The following LDLRAD4 variants were observed in gnomAD, a reference collection of about 807,000 sequenced individuals.
The protein encoded by LDLRAD4 is low density lipoprotein receptor class A domain containing 4.
LDLRAD4 carries 5 observed loss-of-function variants against 17.0 expected under a neutral mutation model. The observed-to-expected ratio is 0.29, with a 90% CI of 0.15 to 0.62. The LOEUF (loss-of-function observed/expected upper bound fraction) is 0.62, where lower values mean the gene tolerates loss of function less well. Among genes scored for constraint, LDLRAD4 ranks in the 20% least tolerant of loss-of-function variants. LDLRAD4 has a pLI of 0.84. For missense variants in LDLRAD4, 340 were observed against 424.7 expected, an observed-to-expected ratio of 0.80 and a Z score of 1.75; for synonymous variants, 168 against 171.8, an observed-to-expected ratio of 0.98 and a Z score of 0.17.
At chr18:13,613,874 C>G (rs920828966) in intron 3 of LDLRAD4, 1 of 152,262 alleles carries the variant, frequency 6.6e-6, no homozygotes, top group African/African-American at 2.4e-5. Flanking sequence ...ACCTACAGAT[C>G]ATAGGGACCG....
chr18:13,303,354 T>G (rs529373167), intron 1 of LDLRAD4, among the ~76,000 whole-genome samples: 1 of 152,322 alleles, frequency 6.6e-6, no homozygotes, highest in South Asian at 2.1e-4. Context: ...CCAGCAATCT[T>G]TCCTCCTCAG....
chr18:13,511,725 T>G (rs951898263), intron 3 of LDLRAD4, among the ~76,000 whole-genome samples: 1 of 152,106 alleles, frequency 6.6e-6, no homozygotes, highest in African/African-American at 2.4e-5. Context: ...GGCGGGGACA[T>G]GGGTACAGGT....
chr18:13,357,201 A>G (rs981621), intron 1 of LDLRAD4, among the ~76,000 whole-genome samples: 60,935 of 151,976 alleles, frequency 0.4, 12,589 homozygotes, highest in African/African-American at 0.52. Flanking sequence ...TTAAGTTTCC[A>G]TTTTAACAGG....
chr18:13,439,551 G>A (rs950841844), intron 3 of LDLRAD4, among the ~76,000 whole-genome samples: 13 of 152,182 alleles, frequency 8.5e-5, no homozygotes, highest in Non-Finnish European at 1.6e-4. Flanking sequence ...GGCTGGGCGC[G>A]TGCTTGCCTG....
At chr18:13,523,352 G>A (rs1162809333) in intron 3 of LDLRAD4, among the ~76,000 whole-genome samples, 2 of 152,204 alleles carry the variant, frequency 1.3e-5, no homozygotes, top group African/African-American at 2.4e-5. Context: ...CCCTCCTGCT[G>A]GCCATGAAGA....
At chr18:13,518,436 CA>C (rs2093903778) in intron 3 of LDLRAD4, among the ~76,000 whole-genome samples, 1 of 152,180 alleles carries the variant, frequency 6.6e-6, no homozygotes. Flanking sequence ...TCTCCTTATA[CA>C]AAGTTCCCAA....
chr18:13,285,839 C>T (rs964051302), intron 1 of LDLRAD4, among the ~76,000 whole-genome samples: 5 of 152,104 alleles, frequency 3.3e-5, no homozygotes, highest in African/African-American at 1.2e-4. Context: ...CTTTGTTTCT[C>T]AAACTTTTTG....
chr18:13,458,294 G>T lies in LDLRAD4; in HGVS notation c.181+19910G>T, dbSNP rs112555672. The stretch of plus-strand genomic sequence containing the variant: ...TAGCAACTAAGAAGTAGAGCGGCGC[G>T]CTGCTTTAGAAGCACTATGTGTTAG... On this transcript the variant is annotated intron_variant, in intron 3 of 5. Transcript: ENST00000359446. Among the ~76,000 whole-genome samples, 1,186 of 152,254 alleles carry T rather than the reference G, an allele frequency of 7.8e-3. 16 individuals carry two copies. Among genetic ancestry groups the T allele is most frequent in the African/African-American group, 0.027 (1,133 of 41,532 alleles).
intron 4 of LDLRAD4, among the ~76,000 whole-genome samples, chr18:13,633,990 G>C (rs2041885271): frequency 6.6e-6 from 1 of 152,234 alleles, no homozygotes; most frequent in Admixed American, 6.5e-5. Flanking sequence ...ACTGCCATCA[G>C]TGTTTGATGA....
chr18:13,247,646 G>C (rs542615023), intron 1 of LDLRAD4, among the ~76,000 whole-genome samples: 97 of 152,174 alleles, frequency 6.4e-4, no homozygotes, highest in Non-Finnish European at 1.0e-3. Flanking sequence ...CTTAGTGAGG[G>C]GCCCAGCCCT....
intron 3 of LDLRAD4, among the ~76,000 whole-genome samples, chr18:13,608,523 G>A (rs532980354): frequency 8.5e-5 from 13 of 152,270 alleles, no homozygotes; most frequent in East Asian, 3.9e-4. Context: ...CTGAGTAGCC[G>A]CTGAGCTACT....
chr18:13,456,015 T>C (rs1408216675), intron 3 of LDLRAD4, among the ~76,000 whole-genome samples: 2 of 152,134 alleles, frequency 1.3e-5, no homozygotes, highest in Non-Finnish European at 2.9e-5. Context: ...CTGTCTGCAT[T>C]GTTAGGAAAC....
chr18:13,574,839 C>G lies in LDLRAD4; in HGVS notation c.182-46278C>G, dbSNP rs1461985539. Among the ~76,000 whole-genome samples the G allele has an allele frequency of 7.2e-5, 11 of 152,360 alleles. No homozygotes were observed. In the East Asian group the frequency reaches 2.1e-3, roughly 29 times the overall value. ...AGCTGTAGCCAAAAGGAAAATAAAT[C>G]AGAGCTTGAAACTAGCCTTTCTGAT... On this transcript the variant is annotated intron_variant, in intron 3 of 5. Transcript: ENST00000359446.
chr18:13,578,660 G>A (rs1229013982), intron 3 of LDLRAD4, among the ~76,000 whole-genome samples: 3 of 152,142 alleles, frequency 2.0e-5, no homozygotes, highest in African/African-American at 7.2e-5. Context: ...CGTGCACACA[G>A]CTGAATAAGA....
chr18:13,527,719 G>T (rs2094055859), intron 3 of LDLRAD4, among the ~76,000 whole-genome samples: 1 of 152,182 alleles, frequency 6.6e-6, no homozygotes, highest in Non-Finnish European at 1.5e-5. Flanking sequence ...CAAAGGAGGG[G>T]AAGTAGAATG....
intron 2 of LDLRAD4, among the ~76,000 whole-genome samples, chr18:13,402,171 A>C (rs891303175): frequency 1.3e-5 from 2 of 152,106 alleles, no homozygotes; most frequent in Non-Finnish European, 2.9e-5. Context: ...TTTCCAACAG[A>C]TCCTTCAGGC....
chr18:13,336,735 T>C (rs577947551), intron 1 of LDLRAD4, among the ~76,000 whole-genome samples: 1 of 152,118 alleles, frequency 6.6e-6, no homozygotes, highest in African/African-American at 2.4e-5. Context: ...TTTCTCACTA[T>C]TTTTTCCTTG....
intron 4 of LDLRAD4, chr18:13,642,213 C>T: frequency 1.0e-6 from 1 of 985,988 alleles, no homozygotes; most frequent in Non-Finnish European, 1.2e-6. Flanking sequence ...GGTGTTTCTT[C>T]CGCGCCGTCC....
intron 4 of LDLRAD4, among the ~76,000 whole-genome samples, chr18:13,630,125 G>A (rs2148884531): frequency 6.6e-6 from 1 of 152,268 alleles, no homozygotes; most frequent in Middle Eastern, 3.4e-3. Flanking sequence ...GCTTTTCCCC[G>A]CTAGCCCATT....
Sources: allele counts gnomAD v4.1 joint callset (sites outside exome capture counted in the v4.1 genomes callset), GRCh38; gene constraint gnomAD v4.1.1; transcripts MANE v1.5; gene names NCBI Gene and HGNC (gene_info 2026-07-23, HGNC 2026-07-21).